The following TOX variants were observed in gnomAD, a reference collection of about 807,000 sequenced individuals.
TOX encodes thymocyte selection associated high mobility group box, also known as thymocyte selection-associated high mobility group box protein TOX.
TOX carries 11 observed loss-of-function variants against 53.7 expected under a neutral mutation model. The ratio of observed to expected loss-of-function variants is 0.20; its 90% CI spans 0.13 to 0.34. The LOEUF is 0.34. Among genes scored for constraint, TOX ranks in the 10% least tolerant of loss-of-function variants. The probability of loss-of-function intolerance (pLI) is 1.00; values close to 1 mark genes in which losing one functional copy is unlikely to be tolerated. For missense variants in TOX, 570 were observed against 664.6 expected (o/e 0.86, Z 1.56); for synonymous variants, 225 against 245.3 (o/e 0.92, Z 0.77).
At chr8:59,013,025 C>A (rs966173044) in intron 1 of TOX, among the ~76,000 whole-genome samples, 2 of 151,960 alleles carry the variant, frequency 1.3e-5, no homozygotes, top group Admixed American at 1.3e-4. Context: ...TTTTAATTAT[C>A]CAGCAATTCT....
At chr8:59,095,471 A>T (rs1379321562) in intron 1 of TOX, among the ~76,000 whole-genome samples, 2 of 152,292 alleles carry the variant, frequency 1.3e-5, no homozygotes, top group East Asian at 3.9e-4. Flanking sequence ...CAATGGCATG[A>T]TCTCGGCTCA....
At position 58,835,332 on chromosome 8, in the gene TOX, G is replaced by C. The variant is rs12550466; in HGVS notation, c.924+2749C>G. Among the ~76,000 whole-genome samples, 1,679 of 152,210 alleles carry C rather than the reference G, an allele frequency of 0.011. 142 individuals carry two copies. In the East Asian group the frequency reaches 0.22, roughly 20 times the overall value. On this transcript the variant is annotated intron_variant, in intron 5 of 8. Coordinates refer to ENST00000361421, the MANE Select transcript of TOX (RefSeq NM_014729.3). ...CATATATATACAATTAAAAAGCCTT[G>C]CACATAATTGTAATTATATCCACAT...
chr8:58,886,950 A>G (rs1811478827), intron 3 of TOX, among the ~76,000 whole-genome samples: 1 of 151,946 alleles, frequency 6.6e-6, no homozygotes, highest in African/African-American at 2.4e-5. Flanking sequence ...ATCAGGAAAC[A>G]TTAGGTTTCC....
chr8:58,826,286 T>C (rs1280990824), intron 6 of TOX, among the ~76,000 whole-genome samples: 7 of 152,226 alleles, frequency 4.6e-5, no homozygotes. Context: ...GTATCTTTAA[T>C]AACATGAAAC....
At chr8:58,947,220 C>G (rs887838831) in intron 2 of TOX, among the ~76,000 whole-genome samples, 1 of 152,028 alleles carries the variant, frequency 6.6e-6, no homozygotes, top group African/African-American at 2.4e-5. Context: ...CTCTTCAATA[C>G]AAATTTCAGA....
intron 3 of TOX, among the ~76,000 whole-genome samples, chr8:58,887,737 T>G (rs1439833720): frequency 6.6e-6 from 1 of 152,080 alleles, no homozygotes; most frequent in Non-Finnish European, 1.5e-5. Flanking sequence ...GTCTTTCTTC[T>G]GCCTTTCTTA....
intron 1 of TOX, among the ~76,000 whole-genome samples, chr8:59,042,442 T>C (rs765064033): frequency 2.0e-5 from 3 of 152,234 alleles, no homozygotes; most frequent in Non-Finnish European, 4.4e-5. Flanking sequence ...TGTATATTAA[T>C]CCATAATCTT....
At chr8:59,114,378 T>C (rs1805067119) in intron 1 of TOX, among the ~76,000 whole-genome samples, 1 of 152,236 alleles carries the variant, frequency 6.6e-6, no homozygotes, top group Admixed American at 6.5e-5. Context: ...TTTGCAATAC[T>C]GAAATAACCC....
chr8:58,841,298 G>A (rs138203917), intron 4 of TOX, among the ~76,000 whole-genome samples: 225 of 152,234 alleles, frequency 1.5e-3, no homozygotes, highest in African/African-American at 5.0e-3. Flanking sequence ...ACTCCTGTTC[G>A]TGTGTAGGCA....
At chr8:58,867,177 G>A (rs1033776182) in intron 3 of TOX, among the ~76,000 whole-genome samples, 1 of 152,160 alleles carries the variant, frequency 6.6e-6, no homozygotes, top group East Asian at 1.9e-4. Context: ...TCTTGGCAAA[G>A]ACAGAAGTCA....
intron 1 of TOX, among the ~76,000 whole-genome samples, chr8:58,996,701 A>G (rs2129417758): frequency 6.6e-6 from 1 of 152,364 alleles, no homozygotes; most frequent in South Asian, 2.1e-4. Flanking sequence ...ATATTTATAG[A>G]CAAATACTTT....
intron 3 of TOX, among the ~76,000 whole-genome samples, chr8:58,900,968 A>T (rs933306142): frequency 6.6e-6 from 1 of 152,108 alleles, no homozygotes; most frequent in Non-Finnish European, 1.5e-5. Flanking sequence ...AGTTCATATA[A>T]CTAAAAAGAA....
intron 3 of TOX, among the ~76,000 whole-genome samples, chr8:58,878,704 C>T (rs1409560784): frequency 6.6e-6 from 1 of 152,096 alleles, no homozygotes; most frequent in Non-Finnish European, 1.5e-5. Context: ...AGGAAAGAAA[C>T]CTTTGTAAAG....
intron 3 of TOX, among the ~76,000 whole-genome samples, chr8:58,928,237 C>A (rs1489349231): frequency 6.6e-6 from 1 of 152,192 alleles, no homozygotes; most frequent in African/African-American, 2.4e-5. Flanking sequence ...GGCAGAGCGC[C>A]CGCTATTAGC....
At chr8:58,964,062 C>T (rs193015286) in intron 1 of TOX, among the ~76,000 whole-genome samples, 1 of 151,430 alleles carries the variant, frequency 6.6e-6, no homozygotes. Flanking sequence ...AGCACAGATG[C>T]CCTTAAAGAG....
At chr8:58,866,830 A>G (rs1413663608) in intron 3 of TOX, among the ~76,000 whole-genome samples, 1 of 152,186 alleles carries the variant, frequency 6.6e-6, no homozygotes, top group Non-Finnish European at 1.5e-5. Context: ...TTATGGGTAA[A>G]ACGTGGTTTA....
intron 1 of TOX, among the ~76,000 whole-genome samples, chr8:59,102,799 G>GAA (rs2129424492): frequency 6.6e-6 from 1 of 152,196 alleles, no homozygotes; most frequent in East Asian, 1.9e-4. Flanking sequence ...AGAGAAGAAG[G>GAA]GAGGAAAGAA....
At chr8:58,840,974 T>C (rs1457706065) in intron 4 of TOX, among the ~76,000 whole-genome samples, 1 of 152,182 alleles carries the variant, frequency 6.6e-6, no homozygotes, top group Non-Finnish European at 1.5e-5. Flanking sequence ...CATTTTAGGG[T>C]CATCCTTTTC....
chr8:58,969,256 T>C (rs1213239594), intron 1 of TOX, among the ~76,000 whole-genome samples: 2 of 152,198 alleles, frequency 1.3e-5, no homozygotes, highest in Admixed American at 6.5e-5. Flanking sequence ...TTTTTTCAGA[T>C]TGCAGAGTTT....
Sources: gnomAD v4.1 joint callset for allele counts (sites outside exome capture counted in the v4.1 genomes callset) on GRCh38, gnomAD v4.1.1 for gene constraint, MANE v1.5 for transcripts, NCBI Gene and HGNC (gene_info 2026-07-23, HGNC 2026-07-21) for gene names.